The following SEC14L5 variants were observed in gnomAD, a reference collection of about 807,000 sequenced individuals.
The protein encoded by SEC14L5 is SEC14-like protein 5.
In SEC14L5, 96 loss-of-function variants were observed where a neutral mutation model predicts 84.6. That is an observed-to-expected ratio of 1.13 (90% CI 0.96 to 1.34). The LOEUF is 1.34. Among genes scored for constraint, SEC14L5 ranks in the 40% most tolerant of loss-of-function variants. The pLI, the probability that SEC14L5 is intolerant of heterozygous loss-of-function variation, is 0.00. For missense variants in SEC14L5, 1,224 were observed against 942.5 expected, an observed-to-expected ratio of 1.30 and a Z score of -3.91; for synonymous variants, 546 against 383.4, an observed-to-expected ratio of 1.42 and a Z score of -4.95.
chr16:5,002,493 C>T (rs1568143015), intron 10 of SEC14L5, among the ~76,000 whole-genome samples: 2 of 151,998 alleles, frequency 1.3e-5, no homozygotes, highest in Non-Finnish European at 2.9e-5. Flanking sequence ...GATGGGGTTT[C>T]ACCATGTTGG....
intron 4 of SEC14L5, among the ~76,000 whole-genome samples, 178 bp downstream of exon 4, chr16:4,988,458 A>AT (rs917129668): frequency 2.0e-5 from 3 of 152,150 alleles, no homozygotes; most frequent in East Asian, 3.9e-4. Flanking sequence ...ACAACCCATA[A>AT]TTTTTTTAGT....
chr16:5,013,486 A>G (rs963237880), intron 15 of SEC14L5, among the ~76,000 whole-genome samples: 6 of 150,896 alleles, frequency 4.0e-5, no homozygotes, highest in Non-Finnish European at 7.4e-5. Flanking sequence ...TCCCGGGCTC[A>G]AGCAATCCTC....
intron 2 of SEC14L5, among the ~76,000 whole-genome samples, chr16:4,963,002 G>A (rs1474094636): frequency 6.6e-6 from 1 of 152,180 alleles, no homozygotes; most frequent in Non-Finnish European, 1.5e-5. Flanking sequence ...CAGATGCCGG[G>A]GAAGTTTCAG....
At chr16:4,987,166 G>A (rs1955496804) in intron 2 of SEC14L5, among the ~76,000 whole-genome samples, 2 of 151,692 alleles carry the variant, frequency 1.3e-5, no homozygotes, top group Admixed American at 1.3e-4. Flanking sequence ...TTTACCAGGC[G>A]GAGGAAGTGC....
At position 4,991,881 on chromosome 16, in the gene SEC14L5, A is replaced by C. The variant is rs780015064; in HGVS notation, c.518A>C (p.Gln173Pro). Residue 173 changes from glutamine to proline, a missense_variant, in exon 6 of 16, where the codon CAG (glutamine) becomes CCG (proline). Physicochemically the swap from Gln to Pro is moderately conservative, Grantham distance 76. Coordinates refer to ENST00000251170, the MANE Select transcript of SEC14L5 (RefSeq NM_014692.2). ...IEHYLNELIS[Q>P]GTSHIPRWTP... ...CATTACCTGAATGAGCTCATCTCCC[A>C]GGGTACCTCGCACATTCCGCGCTGG... 2 of 1,610,548 alleles carry C rather than the reference A, an allele frequency of 1.2e-6. No individual in the cohort carries two copies. The highest frequency in any genetic ancestry group is 1.1e-5 in the South Asian group (1 of 90,450).
At chr16:5,010,589 C>T (rs1247713242) in intron 14 of SEC14L5, among the ~76,000 whole-genome samples, 1 of 152,054 alleles carries the variant, frequency 6.6e-6, no homozygotes, top group Non-Finnish European at 1.5e-5. Flanking sequence ...GGTGGAGGGC[C>T]GTCCTGCATG....
chr16:5,008,623 T>G lies in SEC14L5; in HGVS notation c.1775T>G (p.Val592Gly). 6.2e-7 allele frequency: 1 copy of G among 1,605,582 alleles called. No individual in the cohort carries two copies. The highest frequency in any genetic ancestry group is 1.1e-5 in the South Asian group (1 of 89,680). ...TACAGCCGTGTGGAGGCTCCCCTTGTCTGCCGGGAGGGGGAGAGCATCCAG... is the reference window on the plus strand; with the variant it reads ...TACAGCCGTGTGGAGGCTCCCCTTGGCTGCCGGGAGGGGGAGAGCATCCAG... Reference protein sequence around the residue: ...RDYSRVEAPLVCREGESIQGS... With the variant: ...RDYSRVEAPLGCREGESIQGS... The change falls in exon 14 of 16, where the codon GTC (valine) becomes GGC (glycine). Residue 592 changes from valine (V) to glycine (G), a missense_variant. Transcript: ENST00000251170.
chr16:4,982,278 G>A (rs898404701), intron 2 of SEC14L5, among the ~76,000 whole-genome samples: 2 of 152,170 alleles, frequency 1.3e-5, no homozygotes, highest in Non-Finnish European at 2.9e-5. Context: ...GTCCTCAGAT[G>A]CCGGCACTAT....
rs756053430 is a variant in SEC14L5, at chr16:4,992,006, G to A, written c.643G>A (p.Ala215Thr). 1.5e-5 allele frequency: 23 copies of A among 1,576,046 alleles called. No individual in the cohort carries two copies. Among genetic ancestry groups the A allele is most frequent in the Middle Eastern group, 1.8e-4 (1 of 5,616 alleles). The change falls in exon 6 of 16, where the codon GCT becomes ACT. Residue 215 changes from alanine to threonine, a missense_variant. By Grantham distance (58) the Ala-to-Thr change is moderately conservative. Coordinates refer to ENST00000251170, the MANE Select transcript of SEC14L5 (RefSeq NM_014692.2). ...AHGPRSTLGP[A>T]LEAVSMDGDK... ...CGGGCCCCGTAGCACCCTGGGGCCC[G>A]CTCTGGAGGCGGTCAGTATGGACGG...
intron 10 of SEC14L5, among the ~76,000 whole-genome samples, chr16:5,001,521 A>C (rs1294616849): frequency 6.6e-6 from 1 of 151,948 alleles, no homozygotes; most frequent in Non-Finnish European, 1.5e-5. Context: ...GGCCTCCCAA[A>C]GTGCTGGGAT....
At position 4,967,776 on chromosome 16, in the gene SEC14L5, T is replaced by C. The variant is rs1438692436; in HGVS notation, c.63+8390T>C. 2.0e-5 allele frequency among the ~76,000 whole-genome samples: 3 copies of C among 150,806 alleles called. No individual in the cohort carries two copies. In the East Asian group the frequency reaches 6.0e-4, roughly 30 times the overall value. ...TTAATAGAGATGGGGTTTCACCATG[T>C]TGGCCAGGCTGGTCTCCAACTCCTG... On this transcript the variant is annotated intron_variant, in intron 2 of 15. Coordinates refer to ENST00000251170, the MANE Select transcript of SEC14L5 (RefSeq NM_014692.2).
intron 10 of SEC14L5, among the ~76,000 whole-genome samples, chr16:5,002,449 A>C (rs1295359594): frequency 6.6e-6 from 1 of 152,040 alleles, no homozygotes; most frequent in Non-Finnish European, 1.5e-5. Context: ...GGTGCCTGCC[A>C]CCACGCCTGG....
chr16:4,966,960 G>A (rs1252527016), intron 2 of SEC14L5, among the ~76,000 whole-genome samples: 3 of 152,198 alleles, frequency 2.0e-5, no homozygotes, highest in Admixed American at 6.5e-5. Flanking sequence ...TTTATTCAGC[G>A]CTACCTGTGG....
Position 5,015,117 on chromosome 16 carries a change from G to A in SEC14L5, c.*147G>A. The A allele has an allele frequency of 1.6e-6, 1 of 639,122 alleles. No individual in the cohort carries two copies. The highest frequency in any genetic ancestry group is 2.7e-6 in the Non-Finnish European group (1 of 369,742). The allele number at this position is 639,122 out of a possible 1,614,324, so 39.6% of individuals were successfully genotyped here. A position where few individuals can be genotyped will look rare whatever the true frequency, so the allele number is the denominator to read the frequency against. On this transcript the variant is annotated 3_prime_UTR_variant, in exon 16 of 16. Coordinates refer to ENST00000251170, the MANE Select transcript of SEC14L5 (RefSeq NM_014692.2). ...CCAAGTTGGGGTGTCTGGAGCGGAT[G>A]GCAAGGATCCAGAACTGGCCTGTGG...
At chr16:5,010,842 T>G in intron 14 of SEC14L5, 1 of 495,464 alleles carries the variant, frequency 2.0e-6, no homozygotes, top group Non-Finnish European at 3.6e-6. Context: ...TGTCCTGAAG[T>G]TGCACCCCCA....
intron 2 of SEC14L5, among the ~76,000 whole-genome samples, chr16:4,975,647 C>T (rs1282633299): frequency 6.6e-6 from 1 of 151,946 alleles, no homozygotes; most frequent in Admixed American, 6.6e-5. Context: ...GTGTATGTGT[C>T]TTTTTCACAT....
rs772393973 is a variant in SEC14L5 at position 5,011,075 on chromosome 16, G to T, written c.1801-20G>T. On this transcript the variant is annotated intron_variant, in intron 14 of 15. Coordinates refer to ENST00000251170, the MANE Select transcript of SEC14L5 (RefSeq NM_014692.2). ...CCTCTGGAGGGCGCAGGGCCTCAGGGCAGGGCTGATGTGTTTCAGGGCTCC... is the reference window on the plus strand; with the variant it reads ...CCTCTGGAGGGCGCAGGGCCTCAGGTCAGGGCTGATGTGTTTCAGGGCTCC... The T allele has an allele frequency of 6.3e-7, 1 of 1,576,468 alleles. No homozygotes were observed. The highest frequency in any genetic ancestry group is 2.3e-5 in the East Asian group (1 of 42,594).
chr16:4,995,075 A>G (rs946659596), intron 6 of SEC14L5, among the ~76,000 whole-genome samples: 4 of 152,076 alleles, frequency 2.6e-5, no homozygotes. Context: ...GTTTACCTAG[A>G]TGGCTCCTGG....
At chr16:4,987,780 T>G in intron 3 of SEC14L5, 74 bp downstream of exon 3, 1 of 1,187,358 alleles carries the variant, frequency 8.4e-7, no homozygotes, top group Non-Finnish European at 1.1e-6. Flanking sequence ...GCGCGGGAGC[T>G]GGGGACCAGG....
Sources: allele counts gnomAD v4.1 joint callset (sites outside exome capture counted in the v4.1 genomes callset), GRCh38; gene constraint gnomAD v4.1.1; transcripts MANE v1.5; gene names NCBI Gene and HGNC (gene_info 2026-07-23, HGNC 2026-07-21).